Variants in DKK3 observed in about 807,000 individuals in gnomAD.
DKK3 encodes dickkopf-related protein 3.
A neutral mutation model predicts 33.2 loss-of-function variants in DKK3; 22 were observed. The ratio of observed to expected loss-of-function variants is 0.66; its 90% CI spans 0.47 to 0.95. The LOEUF (loss-of-function observed/expected upper bound fraction) is 0.95, where lower values mean the gene tolerates loss of function less well. Ranked by LOEUF, DKK3 falls within the 40% of genes least tolerant of loss-of-function variation. The pLI, the probability that DKK3 is intolerant of heterozygous loss-of-function variation, is 0.00. For missense variants in DKK3, 398 were observed against 458.4 expected, an observed-to-expected ratio of 0.87 and a Z score of 1.20; for synonymous variants, 194 against 188.8, an observed-to-expected ratio of 1.03 and a Z score of -0.23.
At chr11:11,990,655 T>C (rs888891825) in intron 3 of DKK3, among the ~76,000 whole-genome samples, 2 of 152,222 alleles carry the variant, frequency 1.3e-5, no homozygotes, top group Non-Finnish European at 2.9e-5. Context: ...CTGCCTGATC[T>C]CATCCCTGCC....
chr11:11,972,120 T>C (rs1435466031), intron 3 of DKK3, among the ~76,000 whole-genome samples: 2 of 152,214 alleles, frequency 1.3e-5, no homozygotes, highest in Non-Finnish European at 2.9e-5. Flanking sequence ...ACTTAACAGC[T>C]GTGAAACCTT....
intron 3 of DKK3, among the ~76,000 whole-genome samples, chr11:11,972,417 A>C (rs1189404932): frequency 6.6e-6 from 1 of 152,240 alleles, no homozygotes. Flanking sequence ...GTCCTGACTT[A>C]TCTACATCCT....
intron 1 of DKK3, among the ~76,000 whole-genome samples, chr11:12,006,713 G>A (rs1437579526): frequency 6.6e-6 from 1 of 152,212 alleles, no homozygotes; most frequent in Non-Finnish European, 1.5e-5. Context: ...ACACTGCTCT[G>A]CTCAAGAAGA....
At chr11:12,007,157 G>C (rs1246370387) in intron 1 of DKK3, among the ~76,000 whole-genome samples, 3 of 152,154 alleles carry the variant, frequency 2.0e-5, no homozygotes, top group Non-Finnish European at 2.9e-5. Flanking sequence ...AACTGTTGTG[G>C]AGTGGGAGGG....
intron 2 of DKK3, among the ~76,000 whole-genome samples, chr11:11,999,567 G>A (rs1848379066): frequency 6.6e-6 from 1 of 152,242 alleles, no homozygotes; most frequent in South Asian, 2.1e-4. Flanking sequence ...AGAGGTTGCA[G>A]TGAGCCGAAA....
chr11:11,991,400 G>A (rs546588310), intron 3 of DKK3, among the ~76,000 whole-genome samples: 5 of 152,194 alleles, frequency 3.3e-5, no homozygotes, highest in African/African-American at 9.6e-5. Context: ...TGCTGTTCTC[G>A]CTCTATTAGT....
At chr11:11,990,363 T>C (rs1277276170) in intron 3 of DKK3, among the ~76,000 whole-genome samples, 1 of 152,244 alleles carries the variant, frequency 6.6e-6, no homozygotes, top group African/African-American at 2.4e-5. Context: ...GCTCCATTTC[T>C]AAGTAACGGT....
At chr11:11,966,838 C>A in intron 5 of DKK3, 116 bp downstream of exon 5, 1 of 1,422,598 alleles carries the variant, frequency 7.0e-7, no homozygotes, top group South Asian at 1.3e-5. Flanking sequence ...CATTTGGGAG[C>A]CTATCCAAGA....
At chr11:11,970,315 CA>C (rs1246640040) in intron 3 of DKK3, among the ~76,000 whole-genome samples, 2 of 152,186 alleles carry the variant, frequency 1.3e-5, no homozygotes, top group African/African-American at 4.8e-5. Flanking sequence ...GCAAAGGAGA[CA>C]AAGGGTATGA....
chr11:11,963,040 T>G lies in DKK3; in HGVS notation c.*1424A>C, dbSNP rs1039724189. 1.3e-5 allele frequency: 2 copies of G among 152,484 alleles called. No homozygotes were observed. The highest frequency in any genetic ancestry group is 4.8e-5 in the African/African-American group (2 of 41,466). 9.4% of individuals were successfully genotyped at this position (152,484 alleles called of 1,614,324 possible). On this transcript the variant is annotated 3_prime_UTR_variant, in exon 7 of 7. Coordinates refer to ENST00000683431, the MANE Select transcript of DKK3 (RefSeq NM_001018057.2). ...TACAGGTTGTTTCTATTTTACTTTT[T>G]CTGGCTGAAAGGATTTTACATTTAT...
chr11:11,966,849 G>A (rs1847608382), intron 5 of DKK3, 105 bp downstream of exon 5: 2 of 1,495,746 alleles, frequency 1.3e-6, no homozygotes, highest in Admixed American at 1.9e-5. Flanking sequence ...CTATCCAAGA[G>A]GTGGGACGCG....
chr11:11,986,462 T>G (rs1488565524), intron 3 of DKK3, among the ~76,000 whole-genome samples: 3 of 152,178 alleles, frequency 2.0e-5, no homozygotes, highest in Non-Finnish European at 4.4e-5. Flanking sequence ...TCCACTGATA[T>G]CTTCTCCCCT....
At chr11:12,009,719 C>T, upstream of DKK3, 3 of 985,724 alleles carry the variant, frequency 3.0e-6, no homozygotes, top group South Asian at 4.7e-5. Flanking sequence ...AAGCCATCAC[C>T]GCTGGCCTTA....
chr11:12,006,812 G>A lies in DKK3; in HGVS notation c.213+1558C>T, dbSNP rs367940234. On this transcript the variant is annotated intron_variant, in intron 1 of 6. Transcript: ENST00000683431. ...CTGCAGACTTTCTGAACAGTGGTGG[G>A]CACAAAAACATAGAGGTGACTTAGT... Among the ~76,000 whole-genome samples, 39 of 152,278 alleles carry A rather than the reference G, an allele frequency of 2.6e-4. No homozygotes were observed. In the East Asian group the frequency reaches 7.5e-3, roughly 29 times the overall value.
chr11:11,982,918 G>A (rs927177790), intron 3 of DKK3, among the ~76,000 whole-genome samples: 2 of 152,210 alleles, frequency 1.3e-5, no homozygotes, highest in African/African-American at 2.4e-5. Context: ...GACTGTTCAC[G>A]GGATTGGTTG....
chr11:11,966,018 C>G, intron 5 of DKK3, 53 bp from the exon 6 acceptor site: 1 of 1,545,310 alleles, frequency 6.5e-7, no homozygotes, highest in Non-Finnish European at 8.7e-7. Context: ...TAGAAGGGCT[C>G]CAAAGGGAGG....
intron 3 of DKK3, among the ~76,000 whole-genome samples, chr11:11,987,396 A>C (rs1447237964): frequency 6.6e-6 from 1 of 152,236 alleles, no homozygotes; most frequent in African/African-American, 2.4e-5. Flanking sequence ...TGATGGCTGC[A>C]TGATTTGGAG....
intron 3 of DKK3, among the ~76,000 whole-genome samples, chr11:11,997,327 A>G (rs1848318274): frequency 6.6e-6 from 1 of 152,062 alleles, no homozygotes; most frequent in Non-Finnish European, 1.5e-5. Flanking sequence ...CTCAGGCCTC[A>G]ATCCTTCATC....
At chr11:11,980,472 A>G (rs1847931641) in intron 3 of DKK3, among the ~76,000 whole-genome samples, 1 of 152,150 alleles carries the variant, frequency 6.6e-6, no homozygotes, top group Non-Finnish European at 1.5e-5. Flanking sequence ...ACTGCATGGT[A>G]TACAGAGCTC....
Sources: gnomAD v4.1 joint callset for allele counts (sites outside exome capture counted in the v4.1 genomes callset) on GRCh38, gnomAD v4.1.1 for gene constraint, MANE v1.5 for transcripts, NCBI Gene and HGNC (gene_info 2026-07-23, HGNC 2026-07-21) for gene names.